The following LARS2 variants were observed in gnomAD, a reference collection of about 807,000 sequenced individuals.
LARS2 encodes the protein leucyl-tRNA synthetase 2, mitochondrial.
Under a neutral mutation model 116.6 loss-of-function variants are expected in LARS2, and 81 were observed. The observed-to-expected ratio is 0.69, with a 90% CI of 0.58 to 0.84. LARS2 has a LOEUF of 0.84. LARS2 is among the 40% of genes least tolerant of loss of function. LARS2 has a pLI of 0.00. For missense variants in LARS2, 968 were observed against 1,114.5 expected (o/e 0.87, Z 1.87); for synonymous variants, 396 against 407.2 (o/e 0.97, Z 0.33).
At chr3:45,443,964 T>C (rs951680295) in intron 6 of LARS2, among the ~76,000 whole-genome samples, 1 of 151,906 alleles carries the variant, frequency 6.6e-6, no homozygotes, top group Non-Finnish European at 1.5e-5. Context: ...TAACGCTTGG[T>C]TGGATGAAGA....
At chr3:45,448,734 G>T (rs1699062500) in intron 7 of LARS2, among the ~76,000 whole-genome samples, 1 of 152,234 alleles carries the variant, frequency 6.6e-6, no homozygotes, top group Non-Finnish European at 1.5e-5. Flanking sequence ...TGTTCTTAAG[G>T]CACAGATTGC....
chr3:45,529,330 G>T (rs1356002436), intron 20 of LARS2, among the ~76,000 whole-genome samples: 1 of 152,028 alleles, frequency 6.6e-6, no homozygotes, highest in Non-Finnish European at 1.5e-5. Context: ...ACTTTGGGAG[G>T]CTGAGGTGGG....
intron 1 of LARS2, among the ~76,000 whole-genome samples, chr3:45,390,068 G>A (rs1287879395): frequency 2.0e-5 from 3 of 152,068 alleles, no homozygotes; most frequent in African/African-American, 7.2e-5. Context: ...CCTAACACAG[G>A]TTATCAGATT....
intron 16 of LARS2, among the ~76,000 whole-genome samples, chr3:45,514,423 A>T (rs1700340316): frequency 6.6e-6 from 1 of 152,238 alleles, no homozygotes; most frequent in African/African-American, 2.4e-5. Context: ...ACCTCATCAA[A>T]GCAAAATATA....
At chr3:45,544,606 C>T (rs1700849121) in intron 21 of LARS2, among the ~76,000 whole-genome samples, 1 of 152,310 alleles carries the variant, frequency 6.6e-6, no homozygotes, top group Non-Finnish European at 1.5e-5. Context: ...TATCCCCATT[C>T]ACAGACAGGC....
chr3:45,545,021 G>T (rs796509053), intron 21 of LARS2, among the ~76,000 whole-genome samples: 7 of 152,272 alleles, frequency 4.6e-5, no homozygotes, highest in African/African-American at 1.7e-4. Context: ...CAGGGTGTGT[G>T]AGCAGGAGAG....
At chr3:45,418,944 C>T (rs1217050576) in intron 5 of LARS2, among the ~76,000 whole-genome samples, 2 of 152,214 alleles carry the variant, frequency 1.3e-5, no homozygotes, top group African/African-American at 4.8e-5. Flanking sequence ...AAAGACTAAG[C>T]ACTTCTCTGC....
Position 45,507,238 on chromosome 3 carries a change from T to TA in LARS2, c.1761-5897_1761-5896insA, listed in dbSNP as rs779576443. ...ACAGCAAGACCCCATTTCTATGATT[T>TA]TAAAAAAAAAAATTTCCCTCACTGG... On this transcript the variant is annotated intron_variant, in intron 15 of 21. Coordinates refer to ENST00000645846, the MANE Select transcript of LARS2 (RefSeq NM_015340.4). 5.7e-3 allele frequency among the ~76,000 whole-genome samples: 850 copies of TA among 149,832 alleles called. 10 individuals are homozygous for TA. The highest frequency in any genetic ancestry group is 9.1e-3 in the Non-Finnish European group (613 of 67,172).
intron 10 of LARS2, among the ~76,000 whole-genome samples, chr3:45,481,687 C>A (rs940662796): frequency 6.6e-6 from 1 of 152,044 alleles, no homozygotes; most frequent in African/African-American, 2.4e-5. Context: ...AATTCATTTT[C>A]ATTTTAATTT....
intron 4 of LARS2, among the ~76,000 whole-genome samples, chr3:45,404,444 AT>A (rs550320621): frequency 7.9e-4 from 120 of 152,286 alleles, no homozygotes; most frequent in South Asian, 3.5e-3. Context: ...CTTCCTTGTC[AT>A]TTTAAAATCT....
intron 4 of LARS2, among the ~76,000 whole-genome samples, chr3:45,416,579 C>T (rs189486467): frequency 6.6e-4 from 101 of 152,318 alleles, no homozygotes; most frequent in African/African-American, 2.2e-3. Context: ...CTGTCCAGTG[C>T]GGCTTTCTGC....
chr3:45,436,799 CAAA>C (rs61468802), intron 6 of LARS2, among the ~76,000 whole-genome samples: 3 of 121,510 alleles, frequency 2.5e-5, no homozygotes, highest in African/African-American at 3.4e-5. Flanking sequence ...AGACTCGTCT[CAAA>C]AAAAAAAAAA....
At chr3:45,439,641 G>A (rs1387941874) in intron 6 of LARS2, among the ~76,000 whole-genome samples, 3 of 140,168 alleles carry the variant, frequency 2.1e-5, no homozygotes, top group Non-Finnish European at 3.1e-5. Flanking sequence ...TTTTTTTTAT[G>A]TTTGTTTTGT....
At chr3:45,446,401 T>C (rs1699019311) in intron 6 of LARS2, among the ~76,000 whole-genome samples, 1 of 152,196 alleles carries the variant, frequency 6.6e-6, no homozygotes, top group Admixed American at 6.5e-5. Flanking sequence ...AAATGGAATA[T>C]ACGAGTCTAA....
At chr3:45,429,019 T>C (rs1210595927) in intron 6 of LARS2, among the ~76,000 whole-genome samples, 1 of 152,164 alleles carries the variant, frequency 6.6e-6, no homozygotes, top group Non-Finnish European at 1.5e-5. Flanking sequence ...AAATTAACAG[T>C]AATTCCATAA....
chr3:45,513,288 G>A (rs1575305494), intron 16 of LARS2, 53 bp downstream of exon 16: 2 of 1,191,746 alleles, frequency 1.7e-6, no homozygotes, highest in East Asian at 4.7e-5. Flanking sequence ...GCCAAGGCCA[G>A]GCCTGAGAGC....
chr3:45,508,264 A>C (rs984237010), intron 15 of LARS2, among the ~76,000 whole-genome samples: 1 of 152,084 alleles, frequency 6.6e-6, no homozygotes, highest in African/African-American at 2.4e-5. Context: ...GAGCACAGCA[A>C]GCCCCTATCC....
rs181879931 is a variant in LARS2 at position 45,401,766 on chromosome 3, C to T, written c.363+1393C>T. 2.8e-4 allele frequency among the ~76,000 whole-genome samples: 42 copies of T among 152,192 alleles called. No individual in the cohort carries two copies. The East Asian group carries it at 7.8e-3, about 28-fold the overall frequency. On this transcript the variant is annotated intron_variant, in intron 4 of 21. Transcript: ENST00000645846. The stretch of plus-strand genomic sequence containing the variant: ...AGTAGCTGGGACTATAGGTGTGTGC[C>T]ACCACGCTCAGCTAATTTTTTGTAA...
intron 13 of LARS2, 48 bp from the exon 14 acceptor site, chr3:45,496,227 A>G (rs770067722): frequency 7.1e-7 from 1 of 1,411,612 alleles, no homozygotes; most frequent in South Asian, 1.2e-5. Flanking sequence ...GGAAAACTGC[A>G]TTAAAATTTA....
Sources: gnomAD v4.1 joint callset for allele counts (sites outside exome capture counted in the v4.1 genomes callset) on GRCh38, gnomAD v4.1.1 for gene constraint, MANE v1.5 for transcripts, NCBI Gene and HGNC (gene_info 2026-07-23, HGNC 2026-07-21) for gene names.